Variants in EYS observed in about 807,000 individuals in gnomAD.
EYS encodes the protein protein eyes shut homolog.
In EYS, 250 loss-of-function variants were observed where a neutral mutation model predicts 282.1. The ratio of observed to expected loss-of-function variants is 0.89; its 90% CI spans 0.80 to 0.98. EYS has a LOEUF of 0.98. Ranked by LOEUF, EYS falls within the 50% of genes least tolerant of loss-of-function variation. The pLI is 0.00. For synonymous variants in EYS, 1,355 were observed against 1,282.9 expected (o/e 1.06, Z -1.20); for missense variants, 4,016 against 3,709.0 (o/e 1.08, Z -2.15).
chr6:64,559,758 A>T (rs572636021), intron 26 of EYS, among the ~76,000 whole-genome samples: 4,440 of 151,760 alleles, frequency 0.029, 131 homozygotes, highest in East Asian at 0.11. Flanking sequence ...CTCTTTTTTA[A>T]AAAAAAATTT....
chr6:64,648,993 G>T (rs1931857), intron 22 of EYS, among the ~76,000 whole-genome samples: 97,233 of 151,924 alleles, frequency 0.64, 31,336 homozygotes, highest in African/African-American at 0.71. Context: ...AAAACTTGTA[G>T]GCACTTGTGT....
chr6:65,034,305 G>C (rs1387124403), intron 13 of EYS, among the ~76,000 whole-genome samples: 1 of 152,154 alleles, frequency 6.6e-6, no homozygotes, highest in Non-Finnish European at 1.5e-5. Context: ...ATCTTTGTGG[G>C]ATTACTGGGA....
At chr6:64,219,110 C>A (rs115977310) in intron 31 of EYS, among the ~76,000 whole-genome samples, 2,386 of 152,212 alleles carry the variant, frequency 0.016, 20 homozygotes, top group South Asian at 0.034. Flanking sequence ...GCTGCCCATG[C>A]GGAATTATAA....
intron 1 of EYS, among the ~76,000 whole-genome samples, chr6:65,665,373 T>A (rs997371039): frequency 2.0e-5 from 3 of 152,070 alleles, no homozygotes; most frequent in African/African-American, 7.2e-5. Flanking sequence ...AAGGCCTGAG[T>A]TTCAATTTAT....
At chr6:65,583,912 A>G (rs1408613557) in intron 2 of EYS, among the ~76,000 whole-genome samples, 1 of 151,978 alleles carries the variant, frequency 6.6e-6, no homozygotes, top group African/African-American at 2.4e-5. Flanking sequence ...TCTTATGAAC[A>G]TATTACTTAA....
intron 30 of EYS, among the ~76,000 whole-genome samples, chr6:64,301,995 C>T (rs1372590188): frequency 6.6e-6 from 1 of 152,202 alleles, no homozygotes; most frequent in Non-Finnish European, 1.5e-5. Context: ...ACTGCAGAAC[C>T]TTGAGACAGC....
At position 65,296,039 on chromosome 6, in the gene EYS, A is replaced by G; in HGVS notation, c.1847T>C (p.Val616Ala). 6.4e-7 allele frequency: 1 copy of G among 1,551,008 alleles called. No homozygotes were observed. The highest frequency in any genetic ancestry group is 1.2e-5 in the South Asian group (1 of 84,022). ...CGAAAGGGCCAGGCAGAGGCCATGC[A>G]CTGATATACTGTGGTTCCCTAAGCA... ...DYCLGNHSIS[V>A]HGLCLALSHN... is the part of the protein sequence containing the mutation. Residue 616 changes from valine to alanine, a missense_variant, in exon 12 of 43, where the codon GTG becomes GCG. Val to Ala is a moderately conservative substitution (Grantham distance 64). Coordinates refer to ENST00000503581, the MANE Select transcript of EYS (RefSeq NM_001142800.2).
At chr6:65,181,600 A>C (rs1211464270) in intron 12 of EYS, among the ~76,000 whole-genome samples, 1 of 152,180 alleles carries the variant, frequency 6.6e-6, no homozygotes, top group Non-Finnish European at 1.5e-5. Flanking sequence ...ACACTTTCAC[A>C]CTGTTGGTGG....
intron 2 of EYS, among the ~76,000 whole-genome samples, chr6:65,609,575 T>A (rs546631465): frequency 8.5e-5 from 13 of 152,152 alleles, no homozygotes; most frequent in Non-Finnish European, 1.8e-4. Flanking sequence ...CTTTATTGCA[T>A]TATCTCACAT....
intron 8 of EYS, among the ~76,000 whole-genome samples, chr6:65,363,371 A>G (rs1211232477): frequency 6.6e-6 from 1 of 152,010 alleles, no homozygotes; most frequent in East Asian, 1.9e-4. Context: ...TAAACAATCA[A>G]TTAAGCAATT....
chr6:63,833,091 C>A (rs1411730071), intron 36 of EYS, among the ~76,000 whole-genome samples: 2 of 152,128 alleles, frequency 1.3e-5, no homozygotes, highest in African/African-American at 4.8e-5. Context: ...CTATTTATGA[C>A]AAACCCACAG....
In EYS at chr6:65,685,695, C is replaced by T. The variant is rs142659266; in HGVS notation, c.-448+21440G>A. On this transcript the variant is annotated intron_variant, in intron 1 of 42. Transcript: ENST00000503581. Reference sequence around the variant, plus strand: ...TAACCTCTTTTTATTTCCATTACAGCGAAATGTGTGTTTCCATGCATATGT... The same window carrying T: ...TAACCTCTTTTTATTTCCATTACAGTGAAATGTGTGTTTCCATGCATATGT... 3.3e-3 allele frequency among the ~76,000 whole-genome samples: 509 copies of T among 151,946 alleles called. 6 individuals are homozygous for T. The highest frequency in any genetic ancestry group is 0.012 in the African/African-American group (484 of 41,488).
Position 64,393,377 on chromosome 6 carries a change from C to A in EYS, c.5928-4537G>T, listed in dbSNP as rs961963296. Among the ~76,000 whole-genome samples the A allele has an allele frequency of 7.9e-5, 12 of 152,234 alleles. No homozygotes were observed. In the South Asian group the frequency reaches 2.1e-3, roughly 26 times the overall value. ...CCTTGATGAACATTGATGCAAAAAA[C>A]CTCAATAAAATACTGGCAAAACGAA... On this transcript the variant is annotated intron_variant, in intron 28 of 42. Coordinates refer to ENST00000503581, the MANE Select transcript of EYS (RefSeq NM_001142800.2).
Position 63,834,256 on chromosome 6 carries a change from C to G in EYS, c.7229-27884G>C, listed in dbSNP as rs551236559. ...GCTTCTGCACAGCAAAAGAAACTAC[C>G]ATGAGAGTGAACAGGCACCCTACAG... On this transcript the variant is annotated intron_variant, in intron 36 of 42. Coordinates refer to ENST00000503581, the MANE Select transcript of EYS (RefSeq NM_001142800.2). 2.6e-5 allele frequency among the ~76,000 whole-genome samples: 4 copies of G among 152,202 alleles called. No homozygotes were observed. In the East Asian group the frequency reaches 7.7e-4, roughly 29 times the overall value.
chr6:65,419,449 C>CAA (rs556597331), intron 5 of EYS, among the ~76,000 whole-genome samples: 1 of 150,280 alleles, frequency 6.7e-6, no homozygotes, highest in South Asian at 2.1e-4. Context: ...TATAATTTAT[C>CAA]AAAAAAAAAT....
chr6:65,442,873 T>G (rs372306059), intron 5 of EYS, among the ~76,000 whole-genome samples: 1 of 103,532 alleles, frequency 9.7e-6, no homozygotes, highest in Non-Finnish European at 2.4e-5. Flanking sequence ...TATACATACA[T>G]ATACACATAC....
chr6:64,662,258 A>T (rs1488804231), intron 22 of EYS, among the ~76,000 whole-genome samples: 1 of 149,452 alleles, frequency 6.7e-6, no homozygotes, highest in Non-Finnish European at 1.5e-5. Flanking sequence ...GGGGAGGGAT[A>T]GCATTAGGAG....
intron 26 of EYS, among the ~76,000 whole-genome samples, chr6:64,572,586 A>G (rs1351734005): frequency 1.3e-5 from 2 of 152,234 alleles, no homozygotes; most frequent in Non-Finnish European, 2.9e-5. Flanking sequence ...TACTCAGGAT[A>G]CAAAATCAAT....
chr6:65,587,020 T>C (rs1765073485), intron 2 of EYS, among the ~76,000 whole-genome samples: 1 of 152,022 alleles, frequency 6.6e-6, no homozygotes, highest in South Asian at 2.1e-4. Context: ...TATTAAAATC[T>C]GAGTGTTCAA....
Sources: allele counts gnomAD v4.1 joint callset (sites outside exome capture counted in the v4.1 genomes callset), GRCh38; gene constraint gnomAD v4.1.1; transcripts MANE v1.5; gene names NCBI Gene and HGNC (gene_info 2026-07-23, HGNC 2026-07-21).